Variants in CNTN4 observed in about 807,000 individuals in gnomAD.
CNTN4 encodes the protein contactin 4, also known as contactin-4.
Under a neutral mutation model 122.5 loss-of-function variants are expected in CNTN4, and 77 were observed. The observed-to-expected ratio is 0.63, with a 90% CI of 0.52 to 0.76. The LOEUF (loss-of-function observed/expected upper bound fraction) is 0.76. CNTN4 is among the 30% of genes least tolerant of loss of function. CNTN4 has a pLI of 0.00. For missense variants in CNTN4, 1,256 were observed against 1,259.1 expected, an observed-to-expected ratio of 1.00 and a Z score of 0.04; for synonymous variants, 512 against 447.0, an observed-to-expected ratio of 1.15 and a Z score of -1.83.
chr3:2,100,440 A>T (rs1229748135), intron 1 of CNTN4, 118 bp from the exon 2 acceptor site: 2 of 152,096 alleles, frequency 1.3e-5, no homozygotes, highest in Non-Finnish European at 2.9e-5. Flanking sequence ...TATGTCCTTT[A>T]GAGAGTGGGG....
At chr3:2,597,204 C>G (rs2080810647) in intron 4 of CNTN4, among the ~76,000 whole-genome samples, 1 of 152,176 alleles carries the variant, frequency 6.6e-6, no homozygotes, top group Non-Finnish European at 1.5e-5. Flanking sequence ...CACCACACCT[C>G]TTCCTTAGCA....
chr3:2,568,164 G>C (rs141043609), intron 3 of CNTN4, among the ~76,000 whole-genome samples: 1 of 151,936 alleles, frequency 6.6e-6, no homozygotes, highest in Non-Finnish European at 1.5e-5. Context: ...TACATGACCA[G>C]GCCCTGCATG....
At chr3:2,539,740 T>G (rs143139521) in intron 3 of CNTN4, among the ~76,000 whole-genome samples, 57 of 152,262 alleles carry the variant, frequency 3.7e-4, no homozygotes, top group Middle Eastern at 6.8e-3. Flanking sequence ...ATTTCCGAGC[T>G]TTGCTACCTA....
intron 2 of CNTN4, among the ~76,000 whole-genome samples, chr3:2,194,999 G>A (rs1021347510): frequency 2.6e-4 from 40 of 151,996 alleles, no homozygotes; most frequent in African/African-American, 8.5e-4. Flanking sequence ...CTTGCTGTGC[G>A]GTAGATCTCA....
chr3:2,401,140 T>C (rs181291258), intron 3 of CNTN4, among the ~76,000 whole-genome samples: 3 of 152,296 alleles, frequency 2.0e-5, no homozygotes, highest in African/African-American at 7.2e-5. Context: ...AAAATTGCAA[T>C]TAAGAATTGC....
intron 4 of CNTN4, among the ~76,000 whole-genome samples, chr3:2,621,058 A>C (rs916893678): frequency 9.9e-5 from 15 of 152,254 alleles, no homozygotes; most frequent in African/African-American, 3.6e-4. Flanking sequence ...GATGAAAATA[A>C]TACTTGCCTT....
chr3:2,704,596 G>C (rs1340179757), intron 4 of CNTN4, among the ~76,000 whole-genome samples: 2 of 152,156 alleles, frequency 1.3e-5, no homozygotes, highest in South Asian at 2.1e-4. Context: ...GGCTGGAAGA[G>C]TGGTTCTCTT....
chr3:2,234,677 A>G (rs565776021), intron 2 of CNTN4, among the ~76,000 whole-genome samples: 37 of 152,286 alleles, frequency 2.4e-4, no homozygotes, highest in Non-Finnish European at 4.9e-4. Flanking sequence ...TGCCTTTGTC[A>G]TAAAGAAATT....
At chr3:2,200,404 C>T (rs1258178240) in intron 2 of CNTN4, among the ~76,000 whole-genome samples, 1 of 152,142 alleles carries the variant, frequency 6.6e-6, no homozygotes, top group Non-Finnish European at 1.5e-5. Context: ...CAACTTTGCT[C>T]CTCTCTGTTT....
In CNTN4 at chr3:2,691,469, G is replaced by C. The variant is rs563629586; in HGVS notation, c.56-44746G>C. On this transcript the variant is annotated intron_variant, in intron 4 of 24. Coordinates refer to ENST00000418658, the MANE Select transcript of CNTN4 (RefSeq NM_175607.3). ...TTACTCCCAATGTGGAATAATAGCA[G>C]GAAGTCTGTTGTGTGGCTCCAGGAC... Among the ~76,000 whole-genome samples the C allele has an allele frequency of 2.0e-5, 3 of 152,132 alleles. 1 individual carries two copies. The highest frequency in any genetic ancestry group is 4.4e-5 in the Non-Finnish European group (3 of 68,026).
intron 14 of CNTN4, among the ~76,000 whole-genome samples, chr3:3,009,442 T>A (rs1472034315): frequency 8.5e-6 from 1 of 117,064 alleles, no homozygotes; most frequent in African/African-American, 3.3e-5. Flanking sequence ...ACAGAATTTC[T>A]TTTTTTTTTG....
At chr3:2,618,193 TC>T (rs1364482984) in intron 4 of CNTN4, among the ~76,000 whole-genome samples, 19 of 152,174 alleles carry the variant, frequency 1.2e-4, no homozygotes, top group African/African-American at 3.9e-4. Context: ...GGAAAACAGT[TC>T]TTAGAACAAT....
intron 3 of CNTN4, among the ~76,000 whole-genome samples, chr3:2,485,381 C>G (rs1175386383): frequency 2.0e-5 from 3 of 152,226 alleles, no homozygotes; most frequent in Non-Finnish European, 4.4e-5. Context: ...GCTCCTGAGT[C>G]TAGTGGGGAC....
At chr3:3,034,923 TCGGCC>T in intron 17 of CNTN4, 133 bp downstream of exon 17, 4 of 974,094 alleles carry the variant, frequency 4.1e-6, no homozygotes, top group Non-Finnish European at 6.5e-6. Context: ...TTCCTAAACC[TCGGCC>T]AACTGTACTA....
intron 13 of CNTN4, among the ~76,000 whole-genome samples, chr3:2,943,522 A>G (rs1450310959): frequency 6.6e-6 from 1 of 151,454 alleles, no homozygotes; most frequent in Non-Finnish European, 1.5e-5. Context: ...CATGTTGATT[A>G]GTGAATACTT....
intron 13 of CNTN4, among the ~76,000 whole-genome samples, chr3:2,954,562 T>C (rs1390668222): frequency 6.7e-6 from 1 of 149,346 alleles, no homozygotes; most frequent in African/African-American, 2.5e-5. Context: ...ACATGTGTCA[T>C]CCAAATCAAT....
intron 3 of CNTN4, among the ~76,000 whole-genome samples, chr3:2,438,100 C>T (rs1275760766): frequency 6.6e-6 from 1 of 152,132 alleles, no homozygotes; most frequent in Non-Finnish European, 1.5e-5. Context: ...TTCTATTGAC[C>T]TCCGCAAGGT....
chr3:2,244,938 G>A (rs989159029), intron 2 of CNTN4, among the ~76,000 whole-genome samples: 1 of 151,942 alleles, frequency 6.6e-6, no homozygotes, highest in Non-Finnish European at 1.5e-5. Flanking sequence ...AAAAATTCAT[G>A]ATATTTAATG....
intron 3 of CNTN4, among the ~76,000 whole-genome samples, chr3:2,340,709 A>AGAGAGAGAGGGAGAGGGAGAGG (rs1559468175): frequency 9.9e-6 from 1 of 101,372 alleles, no homozygotes; most frequent in African/African-American, 3.6e-5. Context: ...ATATATATAT[A>AGAGAGAGAGGGAGAGGGAGAGG]TAGAGAGAGA....
Sources: gnomAD v4.1 joint callset for allele counts (sites outside exome capture counted in the v4.1 genomes callset) on GRCh38, gnomAD v4.1.1 for gene constraint, MANE v1.5 for transcripts, NCBI Gene and HGNC (gene_info 2026-07-23, HGNC 2026-07-21) for gene names.